Variants in PSME3IP1 observed in about 807,000 individuals in gnomAD.
The protein encoded by PSME3IP1 is proteasome activator subunit 3 interacting protein 1, also known as PSME3-interacting protein.
A neutral mutation model predicts 34.1 loss-of-function variants in PSME3IP1; 13 were observed. The ratio of observed to expected loss-of-function variants is 0.38; its 90% CI spans 0.25 to 0.61. The LOEUF is 0.61. Ranked by LOEUF, PSME3IP1 falls within the 20% of genes least tolerant of loss-of-function variation. The pLI is 0.60. For missense variants in PSME3IP1, 237 were observed against 301.4 expected (o/e 0.79, Z 1.58); for synonymous variants, 93 against 114.3 (o/e 0.81, Z 1.19).
chr16:57,158,787 T>C (rs2070872755), intron 6 of PSME3IP1, among the ~76,000 whole-genome samples: 2 of 152,214 alleles, frequency 1.3e-5, no homozygotes, highest in Admixed American at 1.3e-4. Context: ...AGAATACTTA[T>C]ACAACCTAGA....
In PSME3IP1 at chr16:57,154,348, G is replaced by A. The variant is rs763543191; in HGVS notation, c.707C>T (p.Ala236Val). The change falls in exon 7 of 7, where the codon GCC becomes GTC. Residue 236 changes from alanine (A) to valine (V), a missense_variant. Physicochemically the swap from Ala to Val is moderately conservative, Grantham distance 64 (BLOSUM62 0). Coordinates refer to ENST00000309137, the MANE Select transcript of PSME3IP1 (RefSeq NM_024946.4). This position sits in a 1 kb window ranked among gnomAD's most constrained non-coding sequence, Gnocchi z 4.0. ...GATGGAGGAGACAATCTTTCCGGTG[G>A]CATTGATGGTGCCTTCGCTGTCTGA... ...SSSDSEGTIN[A>V]TGKIVSSIFR... is the part of the protein sequence containing the mutation. The A allele has an allele frequency of 1.9e-5, 30 of 1,614,082 alleles. 1 individual carries two copies. In the South Asian group the frequency reaches 3.1e-4, roughly 17 times the overall value.
At chr16:57,157,007 C>A (rs1009554603) in intron 6 of PSME3IP1, among the ~76,000 whole-genome samples, 1 of 152,114 alleles carries the variant, frequency 6.6e-6, no homozygotes, top group Non-Finnish European at 1.5e-5. Context: ...TACTATTCAA[C>A]CATGAAGAAG....
intron 6 of PSME3IP1, among the ~76,000 whole-genome samples, chr16:57,158,659 T>C (rs1184306442): frequency 6.6e-6 from 1 of 152,166 alleles, no homozygotes; most frequent in Non-Finnish European, 1.5e-5. Flanking sequence ...GAAAACTAAT[T>C]TATGTGAAAT....
rs1386110621 is a variant in PSME3IP1, at chr16:57,167,221, G to T, written c.354C>A (p.Asn118Lys). The change falls in exon 5 of 7, where the codon AAC becomes AAA. Residue 118 changes from asparagine to lysine, a missense_variant. Physicochemically the swap from Asn to Lys is moderately conservative, Grantham distance 94. Transcript: ENST00000309137. ...CTTGAGAAATTCCAACCTTCTTGAG[G>T]TTATTGTGAGTTACCAGTTAAGGGT... ...ELKELKEYRN[N>K]LKKVGISQEN... is the part of the protein sequence containing the mutation. The T allele has an allele frequency of 4.3e-6, 7 of 1,614,066 alleles. No individual in the cohort carries two copies. In the South Asian group the frequency reaches 4.4e-5, roughly 10 times the overall value.
intron 1 of PSME3IP1, among the ~76,000 whole-genome samples, chr16:57,182,019 TC>T (rs2073761087): frequency 6.6e-6 from 1 of 152,132 alleles, no homozygotes; most frequent in South Asian, 2.1e-4. Flanking sequence ...CCTTCTCCTC[TC>T]CCCAGAGGTT....
At chr16:57,164,493 G>A (rs376042153) in intron 5 of PSME3IP1, among the ~76,000 whole-genome samples, 1 of 152,160 alleles carries the variant, frequency 6.6e-6, no homozygotes, top group Non-Finnish European at 1.5e-5. Context: ...CAATGTATAA[G>A]GAATGTATTT....
intron 1 of PSME3IP1, among the ~76,000 whole-genome samples, chr16:57,182,383 C>A (rs2073792190): frequency 7.3e-6 from 1 of 136,278 alleles, no homozygotes; most frequent in African/African-American, 2.8e-5. Flanking sequence ...AAGTCATACT[C>A]CATCCTCCCT....
intron 4 of PSME3IP1, among the ~76,000 whole-genome samples, chr16:57,167,941 T>A (rs1366865205): frequency 1.3e-5 from 2 of 152,224 alleles, no homozygotes; most frequent in African/African-American, 4.8e-5. Flanking sequence ...GCTTGTAACA[T>A]CAGTTTTTCG....
At chr16:57,163,175 A>G (rs1392403881) in intron 6 of PSME3IP1, among the ~76,000 whole-genome samples, 3 of 151,074 alleles carry the variant, frequency 2.0e-5, no homozygotes, top group Admixed American at 2.0e-4. Context: ...AAAAAAAAGA[A>G]AAAAAAAAGT....
intron 1 of PSME3IP1, chr16:57,174,560 A>C (rs1462021737): frequency 1.0e-6 from 1 of 985,256 alleles, no homozygotes; most frequent in Non-Finnish European, 1.2e-6. Flanking sequence ...TTTCTGTAAC[A>C]TCTGACATTG....
chr16:57,160,842 G>A (rs375196865), intron 6 of PSME3IP1, among the ~76,000 whole-genome samples: 12 of 152,242 alleles, frequency 7.9e-5, no homozygotes, highest in East Asian at 5.8e-4. Flanking sequence ...TATTCTTGCC[G>A]AAAAAACCAA....
intron 6 of PSME3IP1, among the ~76,000 whole-genome samples, chr16:57,159,936 T>C (rs2145495887): frequency 6.6e-6 from 1 of 152,300 alleles, no homozygotes; most frequent in East Asian, 1.9e-4. Flanking sequence ...TGGGAGTTTG[T>C]GGTTGTAGTG....
chr16:57,156,314 C>T (rs1399250825), intron 6 of PSME3IP1, among the ~76,000 whole-genome samples: 4 of 152,210 alleles, frequency 2.6e-5, no homozygotes, highest in Non-Finnish European at 5.9e-5. Flanking sequence ...CACAGGCTGA[C>T]AAGCATACTA....
intron 1 of PSME3IP1, among the ~76,000 whole-genome samples, chr16:57,181,256 T>C (rs1000049834): frequency 1.3e-5 from 2 of 152,180 alleles, no homozygotes; most frequent in African/African-American, 4.8e-5. Flanking sequence ...TGAATGATTG[T>C]ATTCATTGTA....
chr16:57,171,268 AAAG>A (rs1168835131), intron 4 of PSME3IP1, among the ~76,000 whole-genome samples: 1 of 152,164 alleles, frequency 6.6e-6, no homozygotes, highest in Non-Finnish European at 1.5e-5. Flanking sequence ...AAGAGAACAT[AAAG>A]AAGGCCAGCA....
At chr16:57,164,445 A>G (rs1217884750) in intron 5 of PSME3IP1, among the ~76,000 whole-genome samples, 1 of 152,310 alleles carries the variant, frequency 6.6e-6, no homozygotes, top group East Asian at 1.9e-4. Flanking sequence ...GTGACATGCT[A>G]GAGATTCTGA....
intron 6 of PSME3IP1, among the ~76,000 whole-genome samples, chr16:57,161,184 C>T (rs113447615): frequency 2.6e-5 from 4 of 152,252 alleles, no homozygotes; most frequent in African/African-American, 7.2e-5. Flanking sequence ...TATGGAAATT[C>T]GAGACTCCAA....
intron 4 of PSME3IP1, among the ~76,000 whole-genome samples, chr16:57,169,623 G>T (rs1483052682): frequency 6.6e-6 from 1 of 152,140 alleles, no homozygotes; most frequent in Non-Finnish European, 1.5e-5. Flanking sequence ...TCTCACTGCT[G>T]CCCTGTTCAT....
Position 57,154,493 on chromosome 16 carries a change from T to G in PSME3IP1, c.562A>C (p.Lys188Gln). The G allele has an allele frequency of 6.2e-7, 1 of 1,610,268 alleles. No homozygotes were observed. The highest frequency in any genetic ancestry group is 1.7e-5 in the Admixed American group (1 of 59,826). ...CTCAGGGAGGTGTTTCCGAGAGACT[T>G]GCAGGATGAGGGCTCTGCAATAAAA... ...DDKNQEPSSC[K>Q]SLGNTSLSGP... The change falls in exon 7 of 7, where the codon AAG (lysine) becomes CAG (glutamine). Residue 188 changes from lysine (K) to glutamine (Q), a missense_variant. Lys to Gln is a moderately conservative substitution (Grantham distance 53). Transcript: ENST00000309137. This position sits in a 1 kb window ranked among gnomAD's most constrained non-coding sequence, Gnocchi z 4.0.
Sources: allele counts gnomAD v4.1 joint callset (sites outside exome capture counted in the v4.1 genomes callset), GRCh38; gene constraint gnomAD v4.1.1; non-coding constraint Gnocchi (gnomAD v3.1); transcripts MANE v1.5; gene names NCBI Gene and HGNC (gene_info 2026-07-23, HGNC 2026-07-21).